Variants in ANGPT1 observed in about 807,000 individuals in gnomAD.
The protein encoded by ANGPT1 is angiopoietin-1.
Under a neutral mutation model 62.2 loss-of-function variants are expected in ANGPT1, and 17 were observed. The observed-to-expected ratio is 0.27, with a 90% CI of 0.19 to 0.41. ANGPT1 has a LOEUF of 0.41. Among genes scored for constraint, ANGPT1 ranks in the 10% least tolerant of loss-of-function variants. The pLI is 1.00. For missense variants in ANGPT1, 478 were observed against 594.9 expected (o/e 0.80, Z 2.04); for synonymous variants, 199 against 198.9 (o/e 1.00, Z 0.00).
intron 1 of ANGPT1, among the ~76,000 whole-genome samples, chr8:107,347,559 C>A (rs996236568): frequency 5.3e-5 from 8 of 152,274 alleles, no homozygotes; most frequent in Middle Eastern, 3.4e-3. Flanking sequence ...ATACTGACCA[C>A]TTATCTCAGA....
intron 1 of ANGPT1, among the ~76,000 whole-genome samples, chr8:107,422,781 C>A (rs943034406): frequency 1.3e-5 from 2 of 151,988 alleles, no homozygotes; most frequent in South Asian, 2.1e-4. Context: ...CATTAACTGC[C>A]CAAATTAGTG....
intron 4 of ANGPT1, among the ~76,000 whole-genome samples, chr8:107,305,363 C>T: frequency 6.6e-6 from 1 of 151,922 alleles, no homozygotes; most frequent in East Asian, 1.9e-4. Context: ...CCACATCCTG[C>T]CCTCCCTTTT....
At chr8:107,472,565 A>C (rs934552103) in intron 1 of ANGPT1, among the ~76,000 whole-genome samples, 1 of 152,102 alleles carries the variant, frequency 6.6e-6, no homozygotes, top group Non-Finnish European at 1.5e-5. Context: ...AGAAATGGCT[A>C]TAATTTGTTA....
At chr8:107,357,132 G>A (rs180703107) in intron 1 of ANGPT1, among the ~76,000 whole-genome samples, 1 of 152,170 alleles carries the variant, frequency 6.6e-6, no homozygotes, top group African/African-American at 2.4e-5. Flanking sequence ...AATAGCCAAC[G>A]CATCACTCAC....
intron 1 of ANGPT1, among the ~76,000 whole-genome samples, chr8:107,389,926 G>A (rs1415724243): frequency 7.0e-6 from 1 of 143,466 alleles, no homozygotes; most frequent in Non-Finnish European, 1.5e-5. Flanking sequence ...GAACCATAAG[G>A]TTTCTTCCTA....
intron 1 of ANGPT1, among the ~76,000 whole-genome samples, chr8:107,353,430 A>G (rs1459487670): frequency 1.3e-5 from 2 of 152,072 alleles, no homozygotes; most frequent in Non-Finnish European, 2.9e-5. Context: ...TTCTTTCCCA[A>G]TTCCCTGGTT....
rs16876014 is a variant in ANGPT1 at position 107,303,234 on chromosome 8, T to G, written c.936+6A>C. Reference sequence around the variant, plus strand: ...ACATCTTGTAAACAAACACTTCTGGTTTTACCTTTTTGGGTTCTGGCATAT... The same window carrying G: ...ACATCTTGTAAACAAACACTTCTGGGTTTACCTTTTTGGGTTCTGGCATAT... On this transcript the variant is annotated splice_donor_region_variant and intron_variant, in intron 5 of 8. Transcript: ENST00000517746. 22 of 1,608,572 alleles carry G rather than the reference T, an allele frequency of 1.4e-5. No individual in the cohort carries two copies. The African/African-American group carries it at 2.7e-4, about 20-fold the overall frequency.
chr8:107,397,176 G>C (rs1434437394), intron 1 of ANGPT1, among the ~76,000 whole-genome samples: 2 of 152,104 alleles, frequency 1.3e-5, no homozygotes, highest in Non-Finnish European at 2.9e-5. Flanking sequence ...TTTTAAGTTA[G>C]CACAAGACTA....
chr8:107,321,762 A>C, intron 4 of ANGPT1, 134 bp downstream of exon 4: 1 of 668,440 alleles, frequency 1.5e-6, no homozygotes, highest in Non-Finnish European at 2.4e-6. Context: ...TAACTTCATA[A>C]ATGATTCTAA....
chr8:107,321,700 T>C (rs962796839), intron 4 of ANGPT1, among the ~76,000 whole-genome samples, 196 bp downstream of exon 4: 7 of 152,176 alleles, frequency 4.6e-5, no homozygotes, highest in African/African-American at 1.7e-4. Flanking sequence ...GATTCACAAA[T>C]TTAGGCTTAT....
At chr8:107,371,424 A>C (rs903954253) in intron 1 of ANGPT1, among the ~76,000 whole-genome samples, 1 of 152,158 alleles carries the variant, frequency 6.6e-6, no homozygotes, top group African/African-American at 2.4e-5. Flanking sequence ...TGGAAGTTGA[A>C]CCAGAAAAAA....
At chr8:107,465,497 T>C (rs762187823) in intron 1 of ANGPT1, among the ~76,000 whole-genome samples, 32 of 152,160 alleles carry the variant, frequency 2.1e-4, no homozygotes, top group Admixed American at 9.2e-4. Flanking sequence ...ATTGATGCCG[T>C]ATTTCACAAT....
At chr8:107,474,496 C>T (rs1216404955) in intron 1 of ANGPT1, among the ~76,000 whole-genome samples, 1 of 152,140 alleles carries the variant, frequency 6.6e-6, no homozygotes, top group African/African-American at 2.4e-5. Context: ...TGGACAAAAA[C>T]TGGAAGCATT....
chr8:107,359,902 C>T (rs935209234), intron 1 of ANGPT1, among the ~76,000 whole-genome samples: 1 of 151,962 alleles, frequency 6.6e-6, no homozygotes, highest in Non-Finnish European at 1.5e-5. Context: ...CAATTTTATA[C>T]CCAGAAATAA....
chr8:107,425,934 G>A (rs1314168168), intron 1 of ANGPT1, among the ~76,000 whole-genome samples: 1 of 152,158 alleles, frequency 6.6e-6, no homozygotes, highest in Non-Finnish European at 1.5e-5. Flanking sequence ...AACAGCTCCA[G>A]GTTTTGTGGG....
chr8:107,406,980 C>T (rs2130345886), intron 1 of ANGPT1, among the ~76,000 whole-genome samples: 1 of 150,714 alleles, frequency 6.6e-6, no homozygotes, highest in African/African-American at 2.4e-5. Context: ...GTGTATTGGT[C>T]TTTTGAGAAA....
intron 1 of ANGPT1, among the ~76,000 whole-genome samples, chr8:107,433,316 A>T (rs1371664532): frequency 6.6e-6 from 1 of 152,164 alleles, no homozygotes; most frequent in Non-Finnish European, 1.5e-5. Context: ...CATATCAGGG[A>T]AGGAATATTC....
intron 7 of ANGPT1, among the ~76,000 whole-genome samples, chr8:107,275,402 C>A (rs1322390783): frequency 1.3e-5 from 2 of 152,126 alleles, no homozygotes; most frequent in African/African-American, 4.8e-5. Flanking sequence ...AATCCCTCTT[C>A]TACCCCCATC....
chr8:107,380,238 T>A (rs1485847260), intron 1 of ANGPT1, among the ~76,000 whole-genome samples: 1 of 152,114 alleles, frequency 6.6e-6, no homozygotes, highest in African/African-American at 2.4e-5. Context: ...ACCTGTGTGG[T>A]AATGGACTAT....
Sources: gnomAD v4.1 joint callset for allele counts (sites outside exome capture counted in the v4.1 genomes callset) on GRCh38, gnomAD v4.1.1 for gene constraint, MANE v1.5 for transcripts, NCBI Gene and HGNC (gene_info 2026-07-23, HGNC 2026-07-21) for gene names.